DNAJB14: variants seen among roughly 807,000 people sequenced by gnomAD.
DNAJB14 encodes dnaJ homolog subfamily B member 14.
A neutral mutation model predicts 48.4 loss-of-function variants in DNAJB14; 22 were observed. The ratio of observed to expected loss-of-function variants is 0.45; its 90% CI spans 0.32 to 0.65. DNAJB14 has a LOEUF of 0.65. DNAJB14 is among the 30% of genes least tolerant of loss of function. The pLI is 0.03. For missense variants in DNAJB14, 319 were observed against 458.8 expected (o/e 0.70, Z 2.78); for synonymous variants, 142 against 158.7 (o/e 0.89, Z 0.79).
At chr4:99,906,191 A>G in intron 5 of DNAJB14, 1 of 1,335,838 alleles carries the variant, frequency 7.5e-7, no homozygotes, top group Non-Finnish European at 9.8e-7. Context: ...AGAACAAGGA[A>G]AGTTACCTCC....
intron 2 of DNAJB14, chr4:99,929,916 T>C (rs950837421): frequency 1.3e-5 from 2 of 152,176 alleles, no homozygotes; most frequent in African/African-American, 2.4e-5. Context: ...CTTTTACTTA[T>C]AAAATTAAAG....
At chr4:99,930,301 T>C in intron 2 of DNAJB14, 149 bp downstream of exon 2, 1 of 670,454 alleles carries the variant, frequency 1.5e-6, no homozygotes, top group Non-Finnish European at 2.3e-6. Flanking sequence ...ACCAGTTTTA[T>C]AAAGAATATG....
At chr4:99,933,813 G>A (rs1578234751) in intron 1 of DNAJB14, among the ~76,000 whole-genome samples, 1 of 151,996 alleles carries the variant, frequency 6.6e-6, no homozygotes. Context: ...ATAAGGTGGG[G>A]AAAAACCACC....
intron 2 of DNAJB14, 142 bp from the exon 3 acceptor site, chr4:99,923,327 G>T: frequency 1.3e-6 from 1 of 784,802 alleles, no homozygotes; most frequent in Non-Finnish European, 1.9e-6. Flanking sequence ...TCCCTTTAAG[G>T]ATTAGTCTGC....
chr4:99,915,614 T>A (rs2081627), intron 3 of DNAJB14, among the ~76,000 whole-genome samples: 41,999 of 152,070 alleles, frequency 0.28, 6,359 homozygotes, highest in African/African-American at 0.4. Flanking sequence ...TTTCAATATT[T>A]TAAATTAGTG....
chr4:99,934,777 G>A (rs1726605345), intron 1 of DNAJB14, among the ~76,000 whole-genome samples: 1 of 59,624 alleles, frequency 1.7e-5, no homozygotes, highest in African/African-American at 6.7e-5. Flanking sequence ...GGGTGACAGA[G>A]CAAGACTGTC....
At chr4:99,909,928 T>G (rs986543993) in intron 3 of DNAJB14, among the ~76,000 whole-genome samples, 2 of 152,094 alleles carry the variant, frequency 1.3e-5, no homozygotes, top group Non-Finnish European at 2.9e-5. Flanking sequence ...ACTCTGACAC[T>G]TCTAATAGTT....
chr4:99,928,929 TCTTA>T (rs1295011314), intron 2 of DNAJB14: 2 of 154,218 alleles, frequency 1.3e-5, no homozygotes, highest in Non-Finnish European at 2.9e-5. Flanking sequence ...AAAGTAAGTC[TCTTA>T]CTTATTCACT....
At chr4:99,927,319 A>G (rs1281275791) in intron 2 of DNAJB14, 2 of 152,158 alleles carry the variant, frequency 1.3e-5, no homozygotes, top group Non-Finnish European at 2.9e-5. Context: ...ATAGCTAATT[A>G]TTTAAATATA....
chr4:99,945,306 G>GAGAA (rs1294617043), intron 1 of DNAJB14, among the ~76,000 whole-genome samples: 1 of 152,168 alleles, frequency 6.6e-6, no homozygotes, highest in African/African-American at 2.4e-5. Flanking sequence ...AAAGGATAGA[G>GAGAA]AGAAAAGCAA....
intron 3 of DNAJB14, among the ~76,000 whole-genome samples, chr4:99,912,206 G>C (rs539791688): frequency 2.0e-5 from 3 of 152,186 alleles, no homozygotes; most frequent in African/African-American, 7.2e-5. Context: ...TCTATTTCTG[G>C]GTTTCCTATC....
intron 1 of DNAJB14, among the ~76,000 whole-genome samples, chr4:99,936,080 A>T (rs1052263129): frequency 6.0e-5 from 9 of 149,430 alleles, no homozygotes; most frequent in Non-Finnish European, 1.2e-4. Context: ...AAATAAATTT[A>T]AAAATAGAGA....
chr4:99,915,020 T>G lies in DNAJB14; in HGVS notation c.452-6124A>C, dbSNP rs140366078. On this transcript the variant is annotated intron_variant, in intron 3 of 7. Coordinates refer to ENST00000442697, the MANE Select transcript of DNAJB14 (RefSeq NM_001031723.4). ...TCAATTGTACTGATTTCTACTCTTA[T>G]AATTTCTTTTGCTTGCTTTGAGTTT... 1.7e-3 allele frequency among the ~76,000 whole-genome samples: 256 copies of G among 152,120 alleles called. 2 individuals are homozygous for G. Among genetic ancestry groups the G allele is most frequent in the African/African-American group, 5.8e-3 (242 of 41,576 alleles).
At chr4:99,938,067 G>A (rs551071342) in intron 1 of DNAJB14, among the ~76,000 whole-genome samples, 30 of 131,616 alleles carry the variant, frequency 2.3e-4, no homozygotes, top group Non-Finnish European at 3.1e-4. Context: ...AGACCAGCCT[G>A]GCTAACATGG....
At chr4:99,909,989 G>C (rs1725604315) in intron 3 of DNAJB14, among the ~76,000 whole-genome samples, 1 of 151,980 alleles carries the variant, frequency 6.6e-6, no homozygotes, top group South Asian at 2.1e-4. Context: ...TAAGCCTCTT[G>C]CAATACAGAA....
At chr4:99,928,728 A>G (rs1726348708) in intron 2 of DNAJB14, 1 of 221,642 alleles carries the variant, frequency 4.5e-6, no homozygotes, top group African/African-American at 2.3e-5. Context: ...TCAAATATAT[A>G]GGTGATTCTA....
At position 99,924,773 on chromosome 4, in the gene DNAJB14, C is replaced by T. The variant is rs751576497; in HGVS notation, c.306-1588G>A. On this transcript the variant is annotated intron_variant, in intron 2 of 7. Transcript: ENST00000442697. ...TAAAATACCTACTGTGTGTTAGGTA[C>T]AGGTCCACCATCCCATATCAATGTT... 1.1e-5 allele frequency: 17 copies of T among 1,610,400 alleles called. No homozygotes were observed. In the South Asian group the frequency reaches 1.6e-4, roughly 16 times the overall value.
At chr4:99,928,515 C>T (rs890999317) in intron 2 of DNAJB14, 6 of 429,382 alleles carry the variant, frequency 1.4e-5, no homozygotes, top group Non-Finnish European at 2.9e-5. Flanking sequence ...AAACCAACCC[C>T]ACCCCACATA....
rs532808787 is a variant in DNAJB14 at position 99,906,494 on chromosome 4, G to A, written c.732+23C>T. On this transcript the variant is annotated intron_variant, in intron 5 of 7. Coordinates refer to ENST00000442697, the MANE Select transcript of DNAJB14 (RefSeq NM_001031723.4). ...TTCCTGAGCTGAAATTTGCCATTTTGTGATTTCTAGTCATAAACGTACATC... is the reference window on the plus strand; with the variant it reads ...TTCCTGAGCTGAAATTTGCCATTTTATGATTTCTAGTCATAAACGTACATC... 57 of 1,603,294 alleles carry A rather than the reference G, an allele frequency of 3.6e-5. No individual in the cohort carries two copies. In the Middle Eastern group the frequency reaches 6.8e-4, roughly 19 times the overall value.
Sources: allele counts gnomAD v4.1 joint callset (sites outside exome capture counted in the v4.1 genomes callset), GRCh38; gene constraint gnomAD v4.1.1; transcripts MANE v1.5; gene names NCBI Gene and HGNC (gene_info 2026-07-23, HGNC 2026-07-21).